The following HSF5 variants were observed in gnomAD, a reference collection of about 807,000 sequenced individuals.
HSF5 encodes heat shock factor protein 5.
HSF5 carries 5 observed loss-of-function variants against 50.8 expected under a neutral mutation model. The ratio of observed to expected loss-of-function variants is 0.10; its 90% confidence interval spans 0.05 to 0.21. HSF5 has a LOEUF of 0.21. Ranked by LOEUF, HSF5 falls within the 10% of genes least tolerant of loss-of-function variation. The pLI is 1.00. For synonymous variants in HSF5, 307 were observed against 307.4 expected, an observed-to-expected ratio of 1.00 and a Z score of 0.02; for missense variants, 564 against 762.6, an observed-to-expected ratio of 0.74 and a Z score of 3.07.
At position 58,462,834 on chromosome 17, in the gene HSF5, G is replaced by A. The variant is rs1461960316; in HGVS notation, c.1490C>T (p.Ser497Phe). 4 of 1,613,710 alleles carry A rather than the reference G, an allele frequency of 2.5e-6. No homozygotes were observed. The highest frequency in any genetic ancestry group is 2.5e-6 in the Non-Finnish European group (3 of 1,179,752). The part of the protein sequence containing the change: ...KLKEHLNHNP[S>F]PSSVVFVQEG... ...CTGCACAAATACTACTGAAGATGGA[G>A]ATGGATTATGATTTAGGTGCTCCTT... Residue 497 changes from serine (S) to phenylalanine (F), a missense_variant, in exon 4 of 6, where the codon TCT (serine) becomes TTT (phenylalanine). By Grantham distance (155) the Ser-to-Phe change is radical. Transcript: ENST00000323777.
intron 1 of HSF5, among the ~76,000 whole-genome samples, chr17:58,486,873 G>A (rs546007111): frequency 9.5e-5 from 14 of 146,612 alleles, no homozygotes; most frequent in African/African-American, 3.3e-4. Flanking sequence ...ACTTTCCCTT[G>A]CCTGCTATTG....
chr17:58,462,712 CTAGAA>C (rs1974809125), intron 4 of HSF5, 65 bp downstream of exon 4: 2 of 1,409,646 alleles, frequency 1.4e-6, no homozygotes, highest in East Asian at 4.6e-5. Context: ...AAACTCTCCA[CTAGAA>C]TAGTCTTTAG....
intron 4 of HSF5, 85 bp downstream of exon 4, chr17:58,462,697 T>C: frequency 1.5e-6 from 2 of 1,322,424 alleles, no homozygotes; most frequent in Non-Finnish European, 2.1e-6. Context: ...AAATAAAATC[T>C]GAACAAACTC....
chr17:58,438,122 T>A (rs1467992568), intron 5 of HSF5, among the ~76,000 whole-genome samples: 1 of 152,072 alleles, frequency 6.6e-6, no homozygotes, highest in Admixed American at 6.6e-5. Flanking sequence ...AAAAAATAAT[T>A]GGTTGATTTT....
rs117598412 is a variant in HSF5 at position 58,481,155 on chromosome 17, T to A, written c.551-888A>T. Among the ~76,000 whole-genome samples, 1,255 of 152,330 alleles carry A rather than the reference T, an allele frequency of 8.2e-3. 7 individuals carry two copies. The highest frequency in any genetic ancestry group is 0.013 in the Non-Finnish European group (915 of 68,020). Reference sequence around the variant, plus strand: ...GCTTGAAAAGTTTGACTTAGTTTCCTCCTTCATCCCTTAAATCAATCAATC... The same window carrying A: ...GCTTGAAAAGTTTGACTTAGTTTCCACCTTCATCCCTTAAATCAATCAATC... On this transcript the variant is annotated intron_variant, in intron 1 of 5. Transcript: ENST00000323777.
Position 58,488,295 on chromosome 17 carries a change from T to C in HSF5, c.-21A>G. 1 of 1,452,588 alleles carries C rather than the reference T, an allele frequency of 6.9e-7. No individual in the cohort carries two copies. Among genetic ancestry groups the C allele is most frequent in the Admixed American group, 2.8e-5 (1 of 36,050 alleles). 90.0% of individuals were successfully genotyped at this position (1,452,588 alleles called of 1,614,324 possible). On this transcript the variant is annotated 5_prime_UTR_variant, in exon 1 of 6. Transcript: ENST00000323777. This position sits in a 1 kb window ranked among gnomAD's most constrained non-coding sequence, Gnocchi z 4.1. ...TCCATCGCCCCGCCGGGCCGGGGCC[T>C]CGCCCCCCGAGCCTAGCTCTCCCAC...
At chr17:58,463,719 C>G (rs1202818636) in intron 3 of HSF5, among the ~76,000 whole-genome samples, 1 of 152,220 alleles carries the variant, frequency 6.6e-6, no homozygotes, top group African/African-American at 2.4e-5. Flanking sequence ...AGGATGCTCA[C>G]AAGTCTACCA....
At chr17:58,445,216 T>A (rs1332980910) in intron 5 of HSF5, among the ~76,000 whole-genome samples, 4 of 152,122 alleles carry the variant, frequency 2.6e-5, no homozygotes, top group Non-Finnish European at 5.9e-5. Context: ...CTAAAAAAAT[T>A]AAAAATTGGA....
At chr17:58,461,039 C>T (rs1974787373) in intron 4 of HSF5, among the ~76,000 whole-genome samples, 1 of 151,432 alleles carries the variant, frequency 6.6e-6, no homozygotes, top group African/African-American at 2.4e-5. Context: ...CATGGTGAAA[C>T]CCTGTCTCTA....
intron 1 of HSF5, among the ~76,000 whole-genome samples, chr17:58,486,524 TTC>T (rs1248429395): frequency 6.6e-6 from 1 of 152,236 alleles, no homozygotes; most frequent in Non-Finnish European, 1.5e-5. Flanking sequence ...CTTTCTAAAA[TTC>T]TTTTTTAACT....
At chr17:58,486,316 G>C (rs1367750278) in intron 1 of HSF5, among the ~76,000 whole-genome samples, 2 of 152,176 alleles carry the variant, frequency 1.3e-5, no homozygotes, top group Non-Finnish European at 2.9e-5. Context: ...GGTGAGCCGA[G>C]ATCGCGCCAT....
At chr17:58,443,373 T>G (rs541398602) in intron 5 of HSF5, among the ~76,000 whole-genome samples, 1 of 152,176 alleles carries the variant, frequency 6.6e-6, no homozygotes, top group African/African-American at 2.4e-5. Context: ...GTCCCACCCC[T>G]GTCTTTCATT....
In HSF5 at chr17:58,487,708, G is replaced by T; in HGVS notation, c.550+17C>A. 1.4e-6 allele frequency: 2 copies of T among 1,381,756 alleles called. No homozygotes were observed. Among genetic ancestry groups the T allele is most frequent in the South Asian group, 1.8e-5 (1 of 54,298 alleles). 85.6% of individuals were successfully genotyped at this position (1,381,756 alleles called of 1,614,324 possible). ...ATGTGCCCACTGTGGGCGAGGGCACGGGCAGTCCGGACTCACCGTGCGGCT... is the reference window on the plus strand; with the variant it reads ...ATGTGCCCACTGTGGGCGAGGGCACTGGCAGTCCGGACTCACCGTGCGGCT... On this transcript the variant is annotated intron_variant, in intron 1 of 5. Transcript: ENST00000323777.
intron 5 of HSF5, among the ~76,000 whole-genome samples, chr17:58,453,341 C>T (rs951925294): frequency 1.3e-5 from 2 of 152,200 alleles, no homozygotes; most frequent in African/African-American, 4.8e-5. Flanking sequence ...CGCCTGCAAT[C>T]CCAACACTTT....
intron 5 of HSF5, among the ~76,000 whole-genome samples, chr17:58,434,197 G>A (rs952374791): frequency 2.0e-5 from 3 of 152,046 alleles, no homozygotes; most frequent in Admixed American, 6.6e-5. Flanking sequence ...ACAGGCGTGA[G>A]CCACTGTGCC....
intron 5 of HSF5, among the ~76,000 whole-genome samples, chr17:58,441,053 T>A (rs533576118): frequency 2.6e-5 from 4 of 152,184 alleles, no homozygotes; most frequent in Non-Finnish European, 4.4e-5. Context: ...AGAATACACA[T>A]TACTTTCAAG....
rs1305056581 is a variant in HSF5, at chr17:58,422,448, T to C, written c.1721-18A>G. The C allele has an allele frequency of 6.2e-7, 1 of 1,608,688 alleles. No homozygotes were observed. Among genetic ancestry groups the C allele is most frequent in the South Asian group, 1.1e-5 (1 of 90,876 alleles). On this transcript the variant is annotated intron_variant, in intron 5 of 5. Transcript: ENST00000323777. ...ATGAAGATCTAGAAAGAAAGGATAG[T>C]TTACTCCCTCTTAGCCTCTCTGTAG...
chr17:58,441,614 CA>C (rs564418009), intron 5 of HSF5, among the ~76,000 whole-genome samples: 13 of 150,240 alleles, frequency 8.7e-5, no homozygotes, highest in Admixed American at 4.6e-4. Context: ...TTGATCATTC[CA>C]AAAAAAAAGC....
intron 2 of HSF5, chr17:58,476,316 A>G: frequency 9.2e-7 from 1 of 1,088,190 alleles, no homozygotes; most frequent in Non-Finnish European, 1.4e-6. Flanking sequence ...TTGGCCAAAT[A>G]CCATCTTTGA....
Sources: gnomAD v4.1 joint callset for allele counts (sites outside exome capture counted in the v4.1 genomes callset) on GRCh38, gnomAD v4.1.1 for gene constraint, Gnocchi (gnomAD v3.1) non-coding constraint, MANE v1.5 for transcripts, NCBI Gene and HGNC (gene_info 2026-07-23, HGNC 2026-07-21) for gene names.